Variants in SNX24 observed in about 807,000 individuals in gnomAD.
SNX24 encodes sorting nexin-24.
Under a neutral mutation model 28.7 loss-of-function variants are expected in SNX24, and 22 were observed. That is an observed-to-expected ratio of 0.77 (90% CI 0.55 to 1.10). The LOEUF (loss-of-function observed/expected upper bound fraction) is 1.10, where lower values mean the gene tolerates loss of function less well. Among genes scored for constraint, SNX24 ranks in the 50% least tolerant of loss-of-function variants. The pLI, the probability that SNX24 is intolerant of heterozygous loss-of-function variation, is 0.00. For synonymous variants in SNX24, 69 were observed against 71.5 expected, an observed-to-expected ratio of 0.96 and a Z score of 0.18; for missense variants, 221 against 201.1, an observed-to-expected ratio of 1.10 and a Z score of -0.60.
chr5:122,900,134 C>G (rs977836857), intron 1 of SNX24, among the ~76,000 whole-genome samples: 11 of 151,752 alleles, frequency 7.2e-5, no homozygotes, highest in African/African-American at 2.7e-4. Context: ...ATACTCCTGC[C>G]TCAGACTCCT....
intron 3 of SNX24, among the ~76,000 whole-genome samples, chr5:122,967,970 G>A (rs1581810022): frequency 6.6e-6 from 1 of 152,198 alleles, no homozygotes; most frequent in South Asian, 2.1e-4. Context: ...GGGAAAGTAG[G>A]TGACTTTTGA....
chr5:122,901,396 A>T (rs1461595218), intron 1 of SNX24, among the ~76,000 whole-genome samples: 1 of 152,212 alleles, frequency 6.6e-6, no homozygotes, highest in African/African-American at 2.4e-5. Context: ...CTTGGAATTT[A>T]TAGGCTATGT....
At chr5:122,955,921 C>T (rs1364970403) in intron 3 of SNX24, among the ~76,000 whole-genome samples, 1 of 152,144 alleles carries the variant, frequency 6.6e-6, no homozygotes, top group African/African-American at 2.4e-5. Context: ...CCTCTGCTGC[C>T]ATGAGTAGAG....
chr5:122,862,296 C>CTT (rs1313050747), intron 1 of SNX24, among the ~76,000 whole-genome samples: 1 of 151,698 alleles, frequency 6.6e-6, no homozygotes. Flanking sequence ...GGGAGAGAAA[C>CTT]ATCAGGGGTA....
intron 1 of SNX24, among the ~76,000 whole-genome samples, chr5:122,868,256 T>C (rs979362351): frequency 1.3e-5 from 2 of 152,242 alleles, no homozygotes; most frequent in East Asian, 3.9e-4. Context: ...ATCTCATATA[T>C]ACTATTTCCA....
At chr5:122,949,870 A>G (rs898008280) in intron 3 of SNX24, among the ~76,000 whole-genome samples, 1 of 152,236 alleles carries the variant, frequency 6.6e-6, no homozygotes, top group African/African-American at 2.4e-5. Context: ...ATCAAAATCT[A>G]TAATTAATCA....
intron 3 of SNX24, among the ~76,000 whole-genome samples, chr5:122,989,856 T>C (rs442911): frequency 0.22 from 33,945 of 152,190 alleles, 4,829 homozygotes; most frequent in Non-Finnish European, 0.33. Context: ...TACATATGTT[T>C]TTCTTTCCCT....
At chr5:122,847,961 A>G (rs962555398) in intron 1 of SNX24, among the ~76,000 whole-genome samples, 9 of 152,298 alleles carry the variant, frequency 5.9e-5, no homozygotes, top group African/African-American at 1.9e-4. Flanking sequence ...TAGGGAATAT[A>G]GCAGTGAATA....
At chr5:122,908,804 C>G (rs1757756503) in intron 1 of SNX24, among the ~76,000 whole-genome samples, 2 of 152,136 alleles carry the variant, frequency 1.3e-5, no homozygotes, top group Admixed American at 6.5e-5. Context: ...AGGGGAAGAT[C>G]GTCAGGGTCC....
intron 1 of SNX24, among the ~76,000 whole-genome samples, chr5:122,846,817 AG>A (rs1490389130): frequency 6.6e-6 from 1 of 152,208 alleles, no homozygotes. Context: ...TTCCTTGGGA[AG>A]GAAAATGCAG....
At chr5:122,969,554 G>C (rs1023032837) in intron 3 of SNX24, among the ~76,000 whole-genome samples, 1 of 152,126 alleles carries the variant, frequency 6.6e-6, no homozygotes, top group Non-Finnish European at 1.5e-5. Flanking sequence ...GGATGAAATC[G>C]TAACATCTCT....
intron 1 of SNX24, among the ~76,000 whole-genome samples, chr5:122,854,554 T>C (rs1490027130): frequency 4.0e-5 from 6 of 151,610 alleles, no homozygotes; most frequent in South Asian, 4.2e-4. Flanking sequence ...GTGTTACTTA[T>C]GTAAAAAAAA....
At chr5:122,902,795 T>C (rs955523567) in intron 1 of SNX24, among the ~76,000 whole-genome samples, 3 of 152,206 alleles carry the variant, frequency 2.0e-5, no homozygotes, top group African/African-American at 2.4e-5. Context: ...CCCTTCCCCG[T>C]CTTGTCCCAG....
intron 3 of SNX24, among the ~76,000 whole-genome samples, chr5:122,964,332 A>G (rs766677932): frequency 2.8e-4 from 43 of 151,792 alleles, no homozygotes; most frequent in Middle Eastern, 6.8e-3. Context: ...GGCAACGTCT[A>G]GAGACACTTG....
At position 122,936,765 on chromosome 5, in the gene SNX24, GA is replaced by G; in HGVS notation, c.96del (p.Lys32AsnfsTer22). ...VFKIEVLMNG[R>X]KHFVEKRYSE... ...AAGATAGAAGTGCTAATGAATGGAAGAAAACATTTTGTTGAAAAGAGATACA... is the reference window on the plus strand; with the variant it reads ...AAGATAGAAGTGCTAATGAATGGAAGAAACATTTTGTTGAAAAGAGATACA... On this transcript the variant is annotated frameshift_variant, in exon 2 of 7. Coordinates refer to ENST00000261369, the MANE Select transcript of SNX24 (RefSeq NM_014035.4). LOFTEE classifies it high-confidence loss of function. 3.7e-6 allele frequency: 6 copies of G among 1,606,392 alleles called. No homozygotes were observed. The highest frequency in any genetic ancestry group is 5.1e-6 in the Non-Finnish European group (6 of 1,174,328).
At chr5:123,006,012 C>T (rs560244654) in intron 6 of SNX24, among the ~76,000 whole-genome samples, 1 of 152,268 alleles carries the variant, frequency 6.6e-6, no homozygotes, top group South Asian at 2.1e-4. Context: ...ATTTTTAAAA[C>T]AGCCTATAAG....
intron 1 of SNX24, among the ~76,000 whole-genome samples, chr5:122,902,828 A>G (rs1373456035): frequency 6.6e-6 from 1 of 152,168 alleles, no homozygotes; most frequent in East Asian, 1.9e-4. Context: ...ACCTTCTCTT[A>G]GCCAGTTCAA....
At chr5:122,972,494 A>C (rs1260831554) in intron 3 of SNX24, among the ~76,000 whole-genome samples, 1 of 152,224 alleles carries the variant, frequency 6.6e-6, no homozygotes, top group South Asian at 2.1e-4. Flanking sequence ...TTGTGACTTC[A>C]AAAGGCCGTT....
chr5:122,853,163 G>T (rs1419527237), intron 1 of SNX24, among the ~76,000 whole-genome samples: 2 of 101,922 alleles, frequency 2.0e-5, no homozygotes, highest in African/African-American at 3.9e-5. Context: ...TCTTCGCTCT[G>T]TTGCCCAGGC....
Sources: gnomAD v4.1 joint callset for allele counts (sites outside exome capture counted in the v4.1 genomes callset) on GRCh38, gnomAD v4.1.1 for gene constraint, MANE v1.5 for transcripts, NCBI Gene and HGNC (gene_info 2026-07-23, HGNC 2026-07-21) for gene names.